EEFSEC: variants seen among roughly 807,000 people sequenced by gnomAD.
EEFSEC encodes selenocysteine-specific elongation factor.
In EEFSEC, 43 loss-of-function variants were observed where a neutral mutation model predicts 42.1. The ratio of observed to expected loss-of-function variants is 1.02; its 90% CI spans 0.80 to 1.32. EEFSEC has a LOEUF of 1.32. EEFSEC is among the 40% of genes most tolerant of loss of function. EEFSEC has a pLI of 0.00. For missense variants in EEFSEC, 745 were observed against 803.6 expected (o/e 0.93, Z 0.88); for synonymous variants, 354 against 339.1 (o/e 1.04, Z -0.48).
At chr3:128,309,846 C>T (rs2066871831) in intron 4 of EEFSEC, among the ~76,000 whole-genome samples, 2 of 152,362 alleles carry the variant, frequency 1.3e-5, no homozygotes, top group African/African-American at 4.8e-5. Flanking sequence ...TCTGGGGCCT[C>T]AGAGTTCCCC....
chr3:128,223,665 A>G (rs536879773), intron 1 of EEFSEC, among the ~76,000 whole-genome samples: 1 of 152,342 alleles, frequency 6.6e-6, no homozygotes, highest in African/African-American at 2.4e-5. Flanking sequence ...TATGTATGAA[A>G]TGGGAAATTT....
At chr3:128,421,385 G>A in the EEFSEC span, among the ~76,000 whole-genome samples, 16 of 152,210 alleles carry the variant, frequency 1.1e-4, no homozygotes, top group East Asian at 1.9e-4. Flanking sequence ...CGGCACCTCC[G>A]TCTGCAGTCT....
chr3:128,169,969 C>T (rs886880292), intron 1 of EEFSEC, among the ~76,000 whole-genome samples: 1 of 152,130 alleles, frequency 6.6e-6, no homozygotes, highest in East Asian at 1.9e-4. Flanking sequence ...GGGCAGGCGG[C>T]ATATTTTGCC....
chr3:128,319,593 A>G (rs2066985385), intron 4 of EEFSEC, among the ~76,000 whole-genome samples: 1 of 152,212 alleles, frequency 6.6e-6, no homozygotes, highest in Admixed American at 6.5e-5. Flanking sequence ...TGGATTGCCC[A>G]TCGCCTTCTG....
At position 128,247,145 on chromosome 3, in the gene EEFSEC, C is replaced by A. The variant is rs2066136946; in HGVS notation, c.524+102C>A. The A allele has an allele frequency of 1.1e-5, 13 of 1,224,224 alleles. 1 individual carries two copies. In the Admixed American group the frequency reaches 2.4e-4, roughly 23 times the overall value. The allele number at this position is 1,224,224 out of a possible 1,614,324, so 75.8% of individuals were successfully genotyped here. A position where few individuals can be genotyped will look rare whatever the true frequency, so the allele number is the denominator to read the frequency against. The stretch of plus-strand genomic sequence containing the variant: ...AATTGGACAGGCAGGTGTCAGCCTC[C>A]CGTCCTAGTAAGTGAGATCTCAACC... On this transcript the variant is annotated intron_variant, in intron 2 of 6. Transcript: ENST00000254730.
intron 1 of EEFSEC, among the ~76,000 whole-genome samples, chr3:128,184,723 A>AT (rs927000434): frequency 2.0e-5 from 3 of 152,010 alleles, no homozygotes; most frequent in Admixed American, 1.3e-4. Context: ...AATGAAGGAC[A>AT]TTTTTTTTCC....
chr3:128,406,673 C>T (rs2068117440), intron 6 of EEFSEC, among the ~76,000 whole-genome samples: 1 of 151,940 alleles, frequency 6.6e-6, no homozygotes, highest in African/African-American at 2.4e-5. Context: ...ATCAGCTAGG[C>T]ATGGTGGCAC....
the EEFSEC span, among the ~76,000 whole-genome samples, chr3:128,421,442 G>A: frequency 6.6e-6 from 1 of 152,120 alleles, no homozygotes; most frequent in Non-Finnish European, 1.5e-5. Flanking sequence ...TTCAAGGGGG[G>A]TCCCAAGAAC....
chr3:128,156,786 T>C (rs1313775188), intron 1 of EEFSEC, among the ~76,000 whole-genome samples: 2 of 152,238 alleles, frequency 1.3e-5, no homozygotes, highest in Non-Finnish European at 2.9e-5. Flanking sequence ...TACTGGCTTT[T>C]TCCCTGTCTG....
intron 1 of EEFSEC, among the ~76,000 whole-genome samples, chr3:128,211,850 T>G (rs1230013400): frequency 1.6e-4 from 1 of 6,312 alleles, no homozygotes; most frequent in Middle Eastern, 0.045. Flanking sequence ...TTTCTTTTCT[T>G]TTTTTTTTTT....
intron 4 of EEFSEC, among the ~76,000 whole-genome samples, chr3:128,330,659 G>A (rs1027125577): frequency 6.6e-6 from 1 of 152,074 alleles, no homozygotes; most frequent in East Asian, 1.9e-4. Context: ...CACTAGCCAC[G>A]CTGTGTGCAA....
chr3:128,286,278 G>A (rs1476030718), intron 4 of EEFSEC, among the ~76,000 whole-genome samples: 1 of 152,194 alleles, frequency 6.6e-6, no homozygotes, highest in Admixed American at 6.5e-5. Flanking sequence ...TCTATTCAGT[G>A]TCTGTCTCCA....
chr3:128,181,228 C>A (rs529105293), intron 1 of EEFSEC, among the ~76,000 whole-genome samples: 107 of 152,320 alleles, frequency 7.0e-4, no homozygotes, highest in Non-Finnish European at 1.3e-3. Context: ...AGTGGGACAG[C>A]CTTTCTATTT....
At chr3:128,203,887 A>G (rs751957235) in intron 1 of EEFSEC, among the ~76,000 whole-genome samples, 2 of 152,362 alleles carry the variant, frequency 1.3e-5, no homozygotes, top group South Asian at 2.1e-4. Context: ...TAAATCAATA[A>G]TCCCAGGAAT....
intron 1 of EEFSEC, among the ~76,000 whole-genome samples, chr3:128,187,103 C>G (rs998348437): frequency 1.3e-5 from 2 of 152,174 alleles, no homozygotes; most frequent in Non-Finnish European, 2.9e-5. Flanking sequence ...TGTTGGAGAT[C>G]CCAACTGGGA....
intron 1 of EEFSEC, among the ~76,000 whole-genome samples, chr3:128,178,598 A>T (rs1224493386): frequency 1.3e-5 from 2 of 152,216 alleles, no homozygotes; most frequent in Non-Finnish European, 2.9e-5. Context: ...ACAAAATGGC[A>T]CTTTGTTTTT....
intron 4 of EEFSEC, among the ~76,000 whole-genome samples, chr3:128,274,166 A>G (rs1003401066): frequency 1.3e-5 from 2 of 152,176 alleles, no homozygotes; most frequent in African/African-American, 2.4e-5. Flanking sequence ...CAGTGTTACA[A>G]AGAAGTGACA....
chr3:128,247,060 G>A lies in EEFSEC; in HGVS notation c.524+17G>A, dbSNP rs186878435. On this transcript the variant is annotated intron_variant, in intron 2 of 6. Coordinates refer to ENST00000254730, the MANE Select transcript of EEFSEC (RefSeq NM_021937.5). Reference sequence around the variant, plus strand: ...GAACACCAAGTAGGTCTGCTAATGAGAGCAATGTTCACTGCATAAGAAGGC... The same window carrying A: ...GAACACCAAGTAGGTCTGCTAATGAAAGCAATGTTCACTGCATAAGAAGGC... 23 of 1,613,028 alleles carry A rather than the reference G, an allele frequency of 1.4e-5. No individual in the cohort carries two copies. In the Admixed American group the frequency reaches 3.0e-4, roughly 21 times the overall value.
At chr3:128,189,799 A>T (rs755277474) in intron 1 of EEFSEC, among the ~76,000 whole-genome samples, 10 of 151,816 alleles carry the variant, frequency 6.6e-5, no homozygotes, top group Non-Finnish European at 1.3e-4. Context: ...GGCTCAAGTG[A>T]TCCACCTGCC....
Sources: allele counts gnomAD v4.1 joint callset (sites outside exome capture counted in the v4.1 genomes callset), GRCh38; gene constraint gnomAD v4.1.1; transcripts MANE v1.5; gene names NCBI Gene and HGNC (gene_info 2026-07-23, HGNC 2026-07-21).